ADAP1: variants seen among roughly 807,000 people sequenced by gnomAD.
ADAP1 encodes arf-GAP with dual PH domain-containing protein 1.
Under a neutral mutation model 54.9 loss-of-function variants are expected in ADAP1, and 31 were observed. The ratio of observed to expected loss-of-function variants is 0.56; its 90% CI spans 0.42 to 0.76. The LOEUF is 0.76. Among genes scored for constraint, ADAP1 ranks in the 30% least tolerant of loss-of-function variants. The pLI is 0.00. For missense variants in ADAP1, 535 were observed against 512.4 expected, an observed-to-expected ratio of 1.04 and a Z score of -0.42; for synonymous variants, 313 against 202.6, an observed-to-expected ratio of 1.55 and a Z score of -4.63.
Position 926,214 on chromosome 7 carries a change from C to T in ADAP1, c.305+339G>A, listed in dbSNP as rs1016398189. 2.6e-5 allele frequency among the ~76,000 whole-genome samples: 4 copies of T among 152,078 alleles called. No individual in the cohort carries two copies. The highest frequency in any genetic ancestry group is 9.7e-5 in the African/African-American group (4 of 41,408). ...CCAGGGCAGGCCCCGAAACAACAGCCGCCCCTCCCGTTCCCCTCCCAGACC... is the reference window on the plus strand; with the variant it reads ...CCAGGGCAGGCCCCGAAACAACAGCTGCCCCTCCCGTTCCCCTCCCAGACC... On this transcript the variant is annotated intron_variant, in intron 3 of 10. Transcript: ENST00000265846. The surrounding 1 kb of genome is among the most constrained non-coding windows in gnomAD (Gnocchi z 4.6).
chr7:927,333 G>T (rs1465754733), intron 2 of ADAP1: 4 of 992,466 alleles, frequency 4.0e-6, no homozygotes, highest in African/African-American at 1.7e-5. Context: ...GAGGGTGGAC[G>T]CTGGCAATGA....
chr7:915,186 C>T (rs573185054), intron 4 of ADAP1, among the ~76,000 whole-genome samples: 6 of 151,744 alleles, frequency 4.0e-5, no homozygotes, highest in Non-Finnish European at 7.4e-5. Context: ...CACCTGGCCA[C>T]GGCACTCACG....
Position 945,262 on chromosome 7 carries a change from G to A in ADAP1, c.82+9134C>T, listed in dbSNP as rs936770459. Among the ~76,000 whole-genome samples, 1 of 152,228 alleles carries A rather than the reference G, an allele frequency of 6.6e-6. No homozygotes were observed. Among genetic ancestry groups the A allele is most frequent in the Non-Finnish European group, 1.5e-5 (1 of 68,042 alleles). ...CCGCAAATGCCCGCAGCCCATCGGA[G>A]CGAAAAGGGGCGGGGCACGCACTCT... On this transcript the variant is annotated intron_variant, in intron 1 of 10. Coordinates refer to ENST00000265846, the MANE Select transcript of ADAP1 (RefSeq NM_006869.4). The surrounding 1 kb of genome is among the most constrained non-coding windows in gnomAD (Gnocchi z 4.2).
rs1345109752 is a variant in ADAP1, at chr7:946,873, C to T, written c.82+7523G>A. 2.0e-5 allele frequency among the ~76,000 whole-genome samples: 3 copies of T among 152,336 alleles called. No individual in the cohort carries two copies. Among genetic ancestry groups the T allele is most frequent in the South Asian group, 2.1e-4 (1 of 4,834 alleles). ...ACCTGAGGCCGGGCGGGGCGGCTCACGCCTGCAATCTCAGCACCTGGAGAG... is the reference window on the plus strand; with the variant it reads ...ACCTGAGGCCGGGCGGGGCGGCTCATGCCTGCAATCTCAGCACCTGGAGAG... On this transcript the variant is annotated intron_variant, in intron 1 of 10. Transcript: ENST00000265846. The surrounding 1 kb of genome is among the most constrained non-coding windows in gnomAD (Gnocchi z 4.3).
chr7:901,881 T>C (rs1369555020), intron 6 of ADAP1, among the ~76,000 whole-genome samples: 1 of 149,412 alleles, frequency 6.7e-6, no homozygotes, highest in Non-Finnish European at 1.5e-5. Flanking sequence ...AATTCACAGC[T>C]CCAGGTCCCC....
At chr7:928,746 C>T (rs572875511) in intron 2 of ADAP1, among the ~76,000 whole-genome samples, 3 of 152,324 alleles carry the variant, frequency 2.0e-5, no homozygotes, top group South Asian at 4.1e-4. Flanking sequence ...AGCCCCCGCA[C>T]GCTGCTGGTG....
At position 926,377 on chromosome 7, in the gene ADAP1, C is replaced by T. The variant is rs1264946190; in HGVS notation, c.305+176G>A. On this transcript the variant is annotated intron_variant, in intron 3 of 10. Coordinates refer to ENST00000265846, the MANE Select transcript of ADAP1 (RefSeq NM_006869.4). The surrounding 1 kb of genome is among the most constrained non-coding windows in gnomAD (Gnocchi z 4.6). ...CGCCCCCCGCCCCAGAACCAAAGCCCGGTGGTGGCCAGCAGACACAGGCGG... is the reference window on the plus strand; with the variant it reads ...CGCCCCCCGCCCCAGAACCAAAGCCTGGTGGTGGCCAGCAGACACAGGCGG... 2.0e-5 allele frequency among the ~76,000 whole-genome samples: 3 copies of T among 152,170 alleles called. No individual in the cohort carries two copies. The highest frequency in any genetic ancestry group is 2.1e-4 in the South Asian group (1 of 4,832).
At chr7:898,972 G>A (rs540664550) in intron 10 of ADAP1, 23 bp from the exon 11 acceptor site, 501 of 1,611,572 alleles carry the variant, frequency 3.1e-4, no homozygotes, top group South Asian at 1.6e-3. Flanking sequence ...AGGGTCCAGC[G>A]TTGTCACAGC....
intron 2 of ADAP1, among the ~76,000 whole-genome samples, chr7:934,709 G>T (rs1339108187): frequency 1.3e-5 from 2 of 152,158 alleles, no homozygotes; most frequent in South Asian, 2.1e-4. Flanking sequence ...CCTCCAGCAT[G>T]CGTGGCCCCT....
intron 1 of ADAP1, among the ~76,000 whole-genome samples, chr7:954,190 C>A (rs1294326902): frequency 1.3e-5 from 2 of 151,740 alleles, no homozygotes; most frequent in African/African-American, 4.8e-5. Flanking sequence ...CCCCGCTGCG[C>A]CCGGCCCGGG....
At position 899,117 on chromosome 7, in the gene ADAP1, A is replaced by G. The variant is rs1342609947; in HGVS notation, c.1012T>C (p.Cys338Arg). The change falls in exon 10 of 11, where the codon TGC becomes CGC. Residue 338 changes from cysteine to arginine, a missense_variant. Physicochemically the swap from Cys to Arg is radical, Grantham distance 180 (BLOSUM62 -3). Transcript: ENST00000265846. ...TCCCTCTGGTCGGACTCCGTCTCGCAGGCAAACAGAAACTTGCGGTCGGGC... is the reference window on the plus strand; with the variant it reads ...TCCCTCTGGTCGGACTCCGTCTCGCGGGCAAACAGAAACTTGCGGTCGGGC... ...VTPDRKFLFACETESDQREWV... is the reference protein window; with the variant it reads ...VTPDRKFLFARETESDQREWV... 1 of 1,609,150 alleles carries G rather than the reference A, an allele frequency of 6.2e-7. No individual in the cohort carries two copies.
rs1386883422 is a variant in ADAP1, at chr7:905,470, AGAAAGG to A, written c.389-304_389-299del. The A allele has an allele frequency of 5.4e-3, 496 of 92,698 alleles. 25 individuals carry two copies. The highest frequency in any genetic ancestry group is 8.7e-3 in the Non-Finnish European group (412 of 47,388). The allele number at this position is 92,698 out of a possible 1,614,324, so 5.7% of individuals were successfully genotyped here. On this transcript the variant is annotated intron_variant, in intron 4 of 10. Coordinates refer to ENST00000265846, the MANE Select transcript of ADAP1 (RefSeq NM_006869.4). ...AAGGGAGAAAGGGAAAGGAGAAAGG[AGAAAGG>A]GAAAGGAGAAAGGAGAAGGGAGAAG... is the stretch of plus-strand genomic sequence containing the variant.
rs1847155562 is a variant in ADAP1 at position 946,916 on chromosome 7, G to A, written c.82+7480C>T. Among the ~76,000 whole-genome samples, 1 of 152,240 alleles carries A rather than the reference G, an allele frequency of 6.6e-6. No individual in the cohort carries two copies. The highest frequency in any genetic ancestry group is 2.4e-5 in the African/African-American group (1 of 41,460). On this transcript the variant is annotated intron_variant, in intron 1 of 10. Coordinates refer to ENST00000265846, the MANE Select transcript of ADAP1 (RefSeq NM_006869.4). This position sits in a 1 kb window ranked among gnomAD's most constrained non-coding sequence, Gnocchi z 4.3. The stretch of plus-strand genomic sequence containing the variant: ...CTGGAGAGGCCAAGGTGAACGGGTG[G>A]AGCCCAGGAGTTCGAGACCAGCCTG...
At chr7:931,912 G>A (rs1846593460) in intron 2 of ADAP1, among the ~76,000 whole-genome samples, 1 of 152,152 alleles carries the variant, frequency 6.6e-6, no homozygotes, top group South Asian at 2.1e-4. Flanking sequence ...AGCAGGCTTA[G>A]CCCCCGGATG....
chr7:935,248 C>A (rs955449876), intron 2 of ADAP1, 127 bp downstream of exon 2: 2 of 1,347,388 alleles, frequency 1.5e-6, no homozygotes, highest in Admixed American at 2.1e-5. Flanking sequence ...GTCCAGCCAG[C>A]CAGGCCCCCA....
intron 1 of ADAP1, among the ~76,000 whole-genome samples, chr7:947,244 TG>T (rs1227639271): frequency 8.0e-6 from 1 of 125,208 alleles, no homozygotes; most frequent in South Asian, 2.7e-4. Context: ...TTTTTAGAGA[TG>T]GGGGTCTCAC....
intron 3 of ADAP1, among the ~76,000 whole-genome samples, chr7:921,808 A>G (rs933547272): frequency 3.3e-5 from 5 of 152,216 alleles, no homozygotes; most frequent in Admixed American, 6.5e-5. Flanking sequence ...CGAAGGCCGC[A>G]TGTGTGGAAG....
intron 4 of ADAP1, among the ~76,000 whole-genome samples, chr7:909,512 G>A (rs1011866161): frequency 6.6e-6 from 1 of 152,242 alleles, no homozygotes; most frequent in Non-Finnish European, 1.5e-5. Context: ...CGCTGGCCAC[G>A]GTCCCGGACG....
Position 927,218 on chromosome 7 carries a change from G to A in ADAP1, c.214-574C>T, listed in dbSNP as rs61167269. The A allele has an allele frequency of 1.9e-3, 2,409 of 1,274,218 alleles. 33 individuals are homozygous for A. The African/African-American group carries it at 0.033, about 17-fold the overall frequency. The allele number at this position is 1,274,218 out of a possible 1,614,324, so 78.9% of individuals were successfully genotyped here. ...GAAACAGGCTGAGGGAGAAGGAAAC[G>A]GCGCCGTGAAGGAGGGGAGGTGCTG... On this transcript the variant is annotated intron_variant, in intron 2 of 10. Transcript: ENST00000265846.
Sources: allele counts gnomAD v4.1 joint callset (sites outside exome capture counted in the v4.1 genomes callset), GRCh38; gene constraint gnomAD v4.1.1; non-coding constraint Gnocchi (gnomAD v3.1); transcripts MANE v1.5; gene names NCBI Gene and HGNC (gene_info 2026-07-23, HGNC 2026-07-21).